SUCLG2: variants seen among roughly 807,000 people sequenced by gnomAD.
SUCLG2 encodes succinate--CoA ligase [GDP-forming] subunit beta, mitochondrial.
In SUCLG2, 42 loss-of-function variants were observed where a neutral mutation model predicts 47.9. The observed-to-expected ratio is 0.88, with a 90% CI of 0.69 to 1.14. The LOEUF (loss-of-function observed/expected upper bound fraction) is 1.14. Ranked by LOEUF, SUCLG2 falls within the 50% of genes most tolerant of loss-of-function variation. The pLI is 0.00. For missense variants in SUCLG2, 571 were observed against 525.9 expected (o/e 1.09, Z -0.84); for synonymous variants, 195 against 197.3 (o/e 0.99, Z 0.10).
chr3:67,534,760 A>T (rs1706491974), intron 2 of SUCLG2, among the ~76,000 whole-genome samples: 1 of 128,064 alleles, frequency 7.8e-6, no homozygotes, highest in Non-Finnish European at 1.6e-5. Flanking sequence ...ACTCCCTAAC[A>T]CTGATGGCAA....
chr3:67,384,961 C>G (rs896218827), intron 10 of SUCLG2, among the ~76,000 whole-genome samples: 7 of 152,182 alleles, frequency 4.6e-5, no homozygotes, highest in African/African-American at 1.7e-4. Context: ...CTCAGGACAG[C>G]CTCAAGGTGG....
chr3:67,649,373 T>C (rs1257914756), intron 1 of SUCLG2, among the ~76,000 whole-genome samples: 1 of 152,228 alleles, frequency 6.6e-6, no homozygotes, highest in Non-Finnish European at 1.5e-5. Flanking sequence ...CCCAACATTC[T>C]ATAAAGAATG....
Position 67,518,123 on chromosome 3 carries a change from A to G in SUCLG2, c.660+124T>C, listed in dbSNP as rs944257437. The G allele has an allele frequency of 4.8e-6, 4 of 835,210 alleles. No individual in the cohort carries two copies. In the African/African-American group the frequency reaches 6.8e-5, roughly 14 times the overall value. The allele number at this position is 835,210 out of a possible 1,614,324, so 51.7% of individuals were successfully genotyped here. A position where few individuals can be genotyped will look rare whatever the true frequency, so the allele number is the denominator to read the frequency against. On this transcript the variant is annotated intron_variant, in intron 6 of 10. Transcript: ENST00000307227. The stretch of plus-strand genomic sequence containing the variant: ...TTTCTTCATCATAAACAGCTGGAGG[A>G]AAAAATTATAAAACAATAAATAATC...
At chr3:67,484,660 C>G (rs1193140389) in intron 9 of SUCLG2, among the ~76,000 whole-genome samples, 1 of 151,924 alleles carries the variant, frequency 6.6e-6, no homozygotes, top group African/African-American at 2.4e-5. Flanking sequence ...TATTTCTGAG[C>G]AATTTTACAG....
At chr3:67,367,230 T>A (rs1199466659) in intron 10 of SUCLG2, among the ~76,000 whole-genome samples, 1 of 152,184 alleles carries the variant, frequency 6.6e-6, no homozygotes, top group Non-Finnish European at 1.5e-5. Context: ...TTTGAATAGA[T>A]CAGCTTTAAA....
chr3:67,471,668 C>A (rs1041310358), intron 9 of SUCLG2, among the ~76,000 whole-genome samples: 1 of 151,756 alleles, frequency 6.6e-6, no homozygotes, highest in South Asian at 2.1e-4. Flanking sequence ...AAGAAGAAGG[C>A]GGCAAATTAA....
chr3:67,517,164 A>G (rs1705965973), intron 6 of SUCLG2, among the ~76,000 whole-genome samples: 1 of 152,194 alleles, frequency 6.6e-6, no homozygotes, highest in African/African-American at 2.4e-5. Context: ...TTTTGCTTTC[A>G]AAGTGAGCCT....
chr3:67,583,946 T>C (rs1445741338), intron 2 of SUCLG2, among the ~76,000 whole-genome samples: 1 of 152,196 alleles, frequency 6.6e-6, no homozygotes, highest in African/African-American at 2.4e-5. Context: ...GTCAACTGCA[T>C]AGTAACCTCA....
intron 2 of SUCLG2, among the ~76,000 whole-genome samples, chr3:67,600,613 A>G (rs1208654988): frequency 6.6e-6 from 1 of 152,240 alleles, no homozygotes; most frequent in African/African-American, 2.4e-5. Flanking sequence ...AGACCACTAC[A>G]TGATCACCAA....
At chr3:67,362,384 T>C (rs1701817428) in intron 10 of SUCLG2, among the ~76,000 whole-genome samples, 1 of 152,222 alleles carries the variant, frequency 6.6e-6, no homozygotes, top group Admixed American at 6.5e-5. Context: ...GTAGCTTCCT[T>C]AGGCAAGCTT....
chr3:67,435,464 C>A (rs1248829320), intron 9 of SUCLG2, among the ~76,000 whole-genome samples: 3 of 151,972 alleles, frequency 2.0e-5, no homozygotes, highest in Non-Finnish European at 2.9e-5. Flanking sequence ...AAGTAAGATG[C>A]CACCTTTATT....
intron 10 of SUCLG2, among the ~76,000 whole-genome samples, chr3:67,362,390 A>G (rs1187655408): frequency 1.6e-4 from 25 of 152,196 alleles, no homozygotes; most frequent in Non-Finnish European, 3.5e-4. Flanking sequence ...TCCTTAGGCA[A>G]GCTTTTCCTT....
At chr3:67,389,811 T>C (rs1702340713) in intron 10 of SUCLG2, among the ~76,000 whole-genome samples, 1 of 152,218 alleles carries the variant, frequency 6.6e-6, no homozygotes, top group Non-Finnish European at 1.5e-5. Flanking sequence ...TAGTTTCTAT[T>C]TGACCTGACA....
At chr3:67,453,484 ACATT>A (rs1704106365) in intron 9 of SUCLG2, among the ~76,000 whole-genome samples, 2 of 152,172 alleles carry the variant, frequency 1.3e-5, no homozygotes, top group African/African-American at 4.8e-5. Flanking sequence ...GACACTAATC[ACATT>A]CATGAGAGCC....
intron 9 of SUCLG2, among the ~76,000 whole-genome samples, chr3:67,442,248 G>T (rs1356656807): frequency 1.3e-5 from 2 of 152,134 alleles, no homozygotes; most frequent in Non-Finnish European, 2.9e-5. Context: ...CTGACCTCGT[G>T]ATCCGCCCGC....
chr3:67,525,215 T>G (rs1706221028), intron 4 of SUCLG2, among the ~76,000 whole-genome samples: 1 of 152,218 alleles, frequency 6.6e-6, no homozygotes, highest in Admixed American at 6.5e-5. Flanking sequence ...CAAATTCATA[T>G]ACAGGTTTAA....
rs113050618 is a variant in SUCLG2 at position 67,366,847 on chromosome 3, T to C, written c.1184-6079A>G. ...ACCAGCCATGTTTTTGAGGTGCTGA[T>C]TGTCCTTACACAATGCCTTTTTCTA... On this transcript the variant is annotated intron_variant, in intron 10 of 10. Coordinates refer to the SUCLG2 transcript ENST00000493112. Among the ~76,000 whole-genome samples, 972 of 152,322 alleles carry C rather than the reference T, an allele frequency of 6.4e-3. 9 individuals carry two copies. The highest frequency in any genetic ancestry group is 0.027 in the Middle Eastern group (8 of 294).
At chr3:67,453,679 G>A (rs748814260) in intron 9 of SUCLG2, among the ~76,000 whole-genome samples, 2 of 152,342 alleles carry the variant, frequency 1.3e-5, no homozygotes, top group Non-Finnish European at 2.9e-5. Flanking sequence ...AAATCAGGAA[G>A]TAAGAAAACA....
At chr3:67,481,734 T>C (rs1215360950) in intron 9 of SUCLG2, among the ~76,000 whole-genome samples, 1 of 152,202 alleles carries the variant, frequency 6.6e-6, no homozygotes, top group Non-Finnish European at 1.5e-5. Flanking sequence ...ACATCTGTCA[T>C]TCAGGTACCT....
Sources: gnomAD v4.1 joint callset for allele counts (sites outside exome capture counted in the v4.1 genomes callset) on GRCh38, gnomAD v4.1.1 for gene constraint, MANE v1.5 for transcripts, NCBI Gene and HGNC (gene_info 2026-07-23, HGNC 2026-07-21) for gene names.